GPC3: variants seen among roughly 807,000 people sequenced by gnomAD.
The protein encoded by GPC3 is glypican 3.
Under a neutral mutation model 34.4 loss-of-function variants are expected in GPC3, and 3 were observed. The observed-to-expected ratio is 0.09, with a 90% CI of 0.04 to 0.23. The LOEUF is 0.23. Ranked by LOEUF, GPC3 falls within the 10% of genes least tolerant of loss-of-function variation. The pLI is 1.00. For synonymous variants in GPC3, 177 were observed against 174.0 expected, an observed-to-expected ratio of 1.02 and a Z score of -0.13; for missense variants, 351 against 445.6, an observed-to-expected ratio of 0.79 and a Z score of 1.91.
chrX:133,878,259 C>G (rs1312996603), intron 2 of GPC3, among the ~76,000 whole-genome samples: 1 of 110,732 alleles, frequency 9.0e-6, no homozygotes, highest in African/African-American at 3.3e-5. Context: ...GAAACTCTGT[C>G]TCTACAAAAA....
At chrX:133,842,434 A>AAT (rs1373515942) in intron 2 of GPC3, among the ~76,000 whole-genome samples, 3 of 107,649 alleles carry the variant, frequency 2.8e-5, no homozygotes, top group East Asian at 5.7e-4. Context: ...TGTATACAGT[A>AAT]ATATATATAT....
rs115225451 is a variant in GPC3, at chrX:133,867,662, G to A, written c.337+85388C>T. On this transcript the variant is annotated intron_variant, in intron 2 of 7. Coordinates refer to ENST00000370818, the MANE Select transcript of GPC3 (RefSeq NM_004484.4). ...GCCCCATCTTCAAGCCTGAAGACCT[G>A]TGGCCCTGAATGGGGACAGGCATTC... is the stretch of plus-strand genomic sequence containing the variant. 4.1e-3 allele frequency among the ~76,000 whole-genome samples: 449 copies of A among 109,359 alleles called. 9 individuals are homozygous for A. Among genetic ancestry groups the A allele is most frequent in the African/African-American group, 0.014 (429 of 29,967 alleles). 95.0% of individuals were successfully genotyped at this position (109,359 alleles called of 115,157 possible).
intron 6 of GPC3, among the ~76,000 whole-genome samples, chrX:133,638,290 A>G (rs962560981): frequency 1.8e-5 from 2 of 111,798 alleles, no homozygotes; most frequent in African/African-American, 6.5e-5. Context: ...ATGACCAGTT[A>G]ATTTTCTTAT....
At chrX:133,956,571 T>C (rs2076417130) in intron 1 of GPC3, among the ~76,000 whole-genome samples, 1 of 112,509 alleles carries the variant, frequency 8.9e-6, no homozygotes, top group Non-Finnish European at 1.9e-5. Context: ...TTTACTTTCT[T>C]GATAAACTGA....
intron 2 of GPC3, among the ~76,000 whole-genome samples, chrX:133,826,871 G>C (rs191281645): frequency 5.4e-5 from 6 of 111,923 alleles, no homozygotes; most frequent in African/African-American, 1.3e-4. Context: ...ATGAAGGCCA[G>C]AAGATGGTGG....
At chrX:133,932,591 A>G (rs769508948) in intron 2 of GPC3, among the ~76,000 whole-genome samples, 74 of 111,854 alleles carry the variant, frequency 6.6e-4, no homozygotes, top group Admixed American at 1.3e-3. Flanking sequence ...TCCATTAAAT[A>G]ATAATAATTT....
At chrX:133,715,920 AG>A (rs1212775928) in intron 3 of GPC3, among the ~76,000 whole-genome samples, 1 of 111,341 alleles carries the variant, frequency 9.0e-6, no homozygotes, top group Non-Finnish European at 1.9e-5. Flanking sequence ...AGGCTAAGGC[AG>A]GGTCTTCAAC....
chrX:133,928,653 T>C lies in GPC3; in HGVS notation c.337+24397A>G, dbSNP rs1035630297. Among the ~76,000 whole-genome samples, 3 of 112,135 alleles carry C rather than the reference T, an allele frequency of 2.7e-5. No individual in the cohort carries two copies. In the Admixed American group the frequency reaches 2.8e-4, roughly 11 times the overall value. ...TTAACAGGTGTGAGGTGGTACCTCA[T>C]GGTGGCTTTCATTTGCAATTCCTGA... On this transcript the variant is annotated intron_variant, in intron 2 of 7. Transcript: ENST00000370818.
chrX:133,920,306 T>C (rs939946978), intron 2 of GPC3, among the ~76,000 whole-genome samples: 1 of 111,892 alleles, frequency 8.9e-6, no homozygotes, highest in African/African-American at 3.2e-5. Flanking sequence ...ACACTGCTCA[T>C]AGGTATATAA....
chrX:133,766,874 A>G (rs1431742374), intron 2 of GPC3, among the ~76,000 whole-genome samples: 1 of 112,417 alleles, frequency 8.9e-6, no homozygotes, highest in East Asian at 2.8e-4. Flanking sequence ...TCCTTGGAGC[A>G]TTTACCATCT....
At chrX:133,628,502 A>G (rs942856830) in intron 6 of GPC3, among the ~76,000 whole-genome samples, 1 of 110,216 alleles carries the variant, frequency 9.1e-6, no homozygotes, top group Non-Finnish European at 1.9e-5. Context: ...CTAAACATAC[A>G]AAAATTAGCC....
intron 1 of GPC3, 76 bp from the exon 2 acceptor site, chrX:133,953,287 C>A (rs1254522291): frequency 1.3e-6 from 1 of 793,253 alleles, no homozygotes; most frequent in Non-Finnish European, 1.9e-6. Context: ...CCACCCCCAC[C>A]CCCTACACAC....
intron 2 of GPC3, among the ~76,000 whole-genome samples, chrX:133,805,371 T>C (rs761722878): frequency 6.3e-5 from 7 of 111,204 alleles, no homozygotes; most frequent in Admixed American, 3.8e-4. Context: ...AGAAAAGGAA[T>C]TGAACCAGTA....
intron 7 of GPC3, among the ~76,000 whole-genome samples, chrX:133,544,343 T>C (rs112033297): frequency 8.9e-6 from 1 of 111,992 alleles, no homozygotes; most frequent in African/African-American, 3.2e-5. Context: ...AGTGACTTAA[T>C]GTAGTCTTTT....
intron 2 of GPC3, among the ~76,000 whole-genome samples, chrX:133,811,761 T>C (rs375805515): frequency 8.9e-6 from 1 of 111,921 alleles, no homozygotes; most frequent in Non-Finnish European, 1.9e-5. Context: ...AAGCTGCTCA[T>C]GTAGGTCAAA....
At chrX:133,670,752 A>G (rs983843431) in intron 5 of GPC3, among the ~76,000 whole-genome samples, 3 of 111,845 alleles carry the variant, frequency 2.7e-5, no homozygotes, top group South Asian at 3.8e-4. Context: ...GGGTAGAAAA[A>G]CCATCCTATT....
At position 133,558,622 on chromosome X, in the gene GPC3, G is replaced by A. The variant is rs187718121; in HGVS notation, c.1574-22329C>T. On this transcript the variant is annotated intron_variant, in intron 7 of 7. Transcript: ENST00000370818. ...TTAAATGTGTCATCGGCCAGGTGCG[G>A]TGGCTCACGCCTGTAATCCCAGCAC... is the stretch of plus-strand genomic sequence containing the variant. Among the ~76,000 whole-genome samples, 61 of 111,200 alleles carry A rather than the reference G, an allele frequency of 5.5e-4. 1 individual carries two copies. Among genetic ancestry groups the A allele is most frequent in the African/African-American group, 1.9e-3 (57 of 30,562 alleles).
intron 5 of GPC3, among the ~76,000 whole-genome samples, chrX:133,681,984 G>A (rs1358405838): frequency 8.9e-6 from 1 of 112,116 alleles, no homozygotes; most frequent in South Asian, 3.8e-4. Context: ...CAACTTACAT[G>A]CTCTCTGAGG....
chrX:133,935,955 C>T (rs2076321598), intron 2 of GPC3, among the ~76,000 whole-genome samples: 1 of 110,179 alleles, frequency 9.1e-6, no homozygotes. Flanking sequence ...CTCTGTCACC[C>T]AGGCTGGAGT....
Sources: allele counts gnomAD v4.1 joint callset (sites outside exome capture counted in the v4.1 genomes callset), GRCh38; gene constraint gnomAD v4.1.1; transcripts MANE v1.5; gene names NCBI Gene and HGNC (gene_info 2026-07-23, HGNC 2026-07-21).